RALGAPA2: variants seen among roughly 807,000 people sequenced by gnomAD.
The protein encoded by RALGAPA2 is Ral GTPase activating protein catalytic subunit alpha 2, also known as ral GTPase-activating protein subunit alpha-2.
In RALGAPA2, 139 loss-of-function variants were observed where a neutral mutation model predicts 230.4. The ratio of observed to expected loss-of-function variants is 0.60; its 90% confidence interval spans 0.53 to 0.69. The LOEUF (loss-of-function observed/expected upper bound fraction) is 0.69, where lower values mean the gene tolerates loss of function less well. RALGAPA2 is among the 30% of genes least tolerant of loss of function. The pLI, the probability that RALGAPA2 is intolerant of heterozygous loss-of-function variation, is 0.00. For synonymous variants in RALGAPA2, 847 were observed against 837.8 expected (o/e 1.01, Z -0.19); for missense variants, 2,163 against 2,276.0 (o/e 0.95, Z 1.01).
chr20:20,595,569 A>G (rs1011446381), intron 16 of RALGAPA2, among the ~76,000 whole-genome samples: 1 of 152,224 alleles, frequency 6.6e-6, no homozygotes, highest in African/African-American at 2.4e-5. Flanking sequence ...TCCTCTCATT[A>G]CTACTATTAC....
intron 14 of RALGAPA2, among the ~76,000 whole-genome samples, chr20:20,605,628 T>G: frequency 6.6e-6 from 1 of 152,230 alleles, no homozygotes; most frequent in East Asian, 1.9e-4. Flanking sequence ...ACAAAGTTAC[T>G]GATTCAATAT....
At chr20:20,444,432 A>T (rs2060813217) in intron 37 of RALGAPA2, among the ~76,000 whole-genome samples, 1 of 152,066 alleles carries the variant, frequency 6.6e-6, no homozygotes, top group Non-Finnish European at 1.5e-5. Flanking sequence ...GAAATTTTAA[A>T]ACTTTTTATT....
chr20:20,512,240 T>TAC (rs370439645), intron 32 of RALGAPA2, among the ~76,000 whole-genome samples: 8,753 of 138,354 alleles, frequency 0.063, 283 homozygotes, highest in Non-Finnish European at 0.079. Flanking sequence ...CACACACACA[T>TAC]ACACACACAC....
At position 20,637,228 on chromosome 20, in the gene RALGAPA2, C is replaced by T. The variant is rs2066888329; in HGVS notation, c.805+135G>A. The T allele has an allele frequency of 1.1e-5, 8 of 706,216 alleles. No individual in the cohort carries two copies. The South Asian group carries it at 2.8e-4, about 24-fold the overall frequency. The allele number at this position is 706,216 out of a possible 1,614,324, so 43.7% of individuals were successfully genotyped here. On this transcript the variant is annotated intron_variant, in intron 8 of 39. Coordinates refer to ENST00000202677, the MANE Select transcript of RALGAPA2 (RefSeq NM_020343.4). ...AAATCACTTATTAAGAAACTTTAAA[C>T]ATTTAATAATAAAGTTACCATTCAA...
intron 35 of RALGAPA2, among the ~76,000 whole-genome samples, chr20:20,500,540 C>A (rs759991606): frequency 6.6e-6 from 1 of 152,214 alleles, no homozygotes; most frequent in African/African-American, 2.4e-5. Flanking sequence ...TCTTCAGTCT[C>A]CACTTCTAAT....
At chr20:20,462,291 A>G (rs1288620521) in intron 37 of RALGAPA2, among the ~76,000 whole-genome samples, 1 of 152,230 alleles carries the variant, frequency 6.6e-6, no homozygotes, top group African/African-American at 2.4e-5. Context: ...GGGACATGCT[A>G]TCCTACTAGA....
intron 36 of RALGAPA2, among the ~76,000 whole-genome samples, chr20:20,487,689 A>C (rs571268243): frequency 6.6e-6 from 1 of 152,068 alleles, no homozygotes; most frequent in Admixed American, 6.6e-5. Flanking sequence ...TGAGTGGATC[A>C]CTTGAGTTCA....
chr20:20,471,211 T>C (rs1569426881), intron 37 of RALGAPA2: 1 of 152,094 alleles, frequency 6.6e-6, no homozygotes, highest in Non-Finnish European at 1.5e-5. Flanking sequence ...CTGAATAGTA[T>C]CCTTTGAACT....
chr20:20,681,178 G>T (rs752654341), intron 1 of RALGAPA2, among the ~76,000 whole-genome samples: 1 of 152,198 alleles, frequency 6.6e-6, no homozygotes, highest in Non-Finnish European at 1.5e-5. Flanking sequence ...GACACAGGCC[G>T]TGAAGAGGGA....
Position 20,495,238 on chromosome 20 carries a change from C to A in RALGAPA2, c.5246G>T (p.Trp1749Leu), listed in dbSNP as rs768002603. Residue 1749 changes from tryptophan to leucine, a missense_variant, in exon 36 of 40, where the codon TGG (tryptophan) becomes TTG (leucine). Trp to Leu is a moderately conservative substitution (Grantham distance 61, BLOSUM62 -2). Transcript: ENST00000202677. ...HLGNDEVHIVWSEHSRDYRRG... is the reference protein window; with the variant it reads ...HLGNDEVHIVLSEHSRDYRRG... ...GCGGTAGTCTCTGGAGTGTTCAGAC[C>A]AGACGATATGGACCTCGTCATTCCC... 1 of 1,574,880 alleles carries A rather than the reference C, an allele frequency of 6.3e-7. No individual in the cohort carries two copies. Among genetic ancestry groups the A allele is most frequent in the South Asian group, 1.2e-5 (1 of 85,756 alleles).
At position 20,488,397 on chromosome 20, in the gene RALGAPA2, A is replaced by C. The variant is rs528241020; in HGVS notation, c.5367+6720T>G. ...GATTTGCCCACACTAAGCCTCCTGCAATTGGTGAATTACAATTTAAGTATT... is the reference window on the plus strand; with the variant it reads ...GATTTGCCCACACTAAGCCTCCTGCCATTGGTGAATTACAATTTAAGTATT... On this transcript the variant is annotated intron_variant, in intron 36 of 39. Coordinates refer to ENST00000202677, the MANE Select transcript of RALGAPA2 (RefSeq NM_020343.4). Among the ~76,000 whole-genome samples, 4 of 152,336 alleles carry C rather than the reference A, an allele frequency of 2.6e-5. No individual in the cohort carries two copies. In the East Asian group the frequency reaches 7.7e-4, roughly 29 times the overall value.
intron 37 of RALGAPA2, among the ~76,000 whole-genome samples, chr20:20,432,501 T>C (rs1195806952): frequency 6.6e-6 from 1 of 152,200 alleles, no homozygotes; most frequent in Non-Finnish European, 1.5e-5. Flanking sequence ...TAAAGGCACC[T>C]ACCTGGATTT....
chr20:20,476,475 T>C (rs1008947554), intron 36 of RALGAPA2, among the ~76,000 whole-genome samples: 7 of 151,830 alleles, frequency 4.6e-5, no homozygotes, highest in Admixed American at 4.6e-4. Flanking sequence ...CCTGTTTCAA[T>C]AAAGACACTG....
intron 26 of RALGAPA2, among the ~76,000 whole-genome samples, chr20:20,533,424 A>G (rs1287524021): frequency 2.0e-5 from 3 of 152,194 alleles, no homozygotes; most frequent in African/African-American, 7.2e-5. Flanking sequence ...AACATGTAAA[A>G]TATTTGATTC....
At chr20:20,647,957 C>T (rs1002201840) in intron 4 of RALGAPA2, among the ~76,000 whole-genome samples, 2 of 152,112 alleles carry the variant, frequency 1.3e-5, no homozygotes, top group African/African-American at 4.8e-5. Flanking sequence ...AGTAGTTAAA[C>T]ATACACTGTT....
chr20:20,482,756 C>T (rs1264899714), intron 36 of RALGAPA2, among the ~76,000 whole-genome samples: 1 of 152,136 alleles, frequency 6.6e-6, no homozygotes, highest in Admixed American at 6.5e-5. Context: ...GGAAGTGAGG[C>T]AGGCATAGAA....
chr20:20,632,320 G>A (rs564068676), intron 9 of RALGAPA2, among the ~76,000 whole-genome samples: 5 of 152,110 alleles, frequency 3.3e-5, no homozygotes, highest in African/African-American at 4.8e-5. Flanking sequence ...GTGAGCCACC[G>A]TGCCCGGCCC....
chr20:20,492,911 GACA>G (rs1184962050), intron 36 of RALGAPA2, among the ~76,000 whole-genome samples: 1 of 152,112 alleles, frequency 6.6e-6, no homozygotes, highest in Non-Finnish European at 1.5e-5. Context: ...GATAAAAAAT[GACA>G]ACAATACAAG....
chr20:20,411,081 A>T (rs2060050448), intron 38 of RALGAPA2, among the ~76,000 whole-genome samples: 1 of 152,220 alleles, frequency 6.6e-6, no homozygotes, highest in Non-Finnish European at 1.5e-5. Context: ...GATATTTGTT[A>T]ACAAGTCAGA....
Sources: gnomAD v4.1 joint callset for allele counts (sites outside exome capture counted in the v4.1 genomes callset) on GRCh38, gnomAD v4.1.1 for gene constraint, MANE v1.5 for transcripts, NCBI Gene and HGNC (gene_info 2026-07-23, HGNC 2026-07-21) for gene names.